Variants in SEMA6A observed in about 807,000 individuals in gnomAD.
The protein encoded by SEMA6A is semaphorin-6A.
Under a neutral mutation model 96.8 loss-of-function variants are expected in SEMA6A, and 25 were observed. The observed-to-expected ratio is 0.26, with a 90% CI of 0.19 to 0.36. SEMA6A has a LOEUF of 0.36. Among genes scored for constraint, SEMA6A ranks in the 10% least tolerant of loss-of-function variants. SEMA6A has a pLI of 1.00. For missense variants in SEMA6A, 1,363 were observed against 1,323.1 expected (o/e 1.03, Z -0.47); for synonymous variants, 612 against 518.0 (o/e 1.18, Z -2.46).
In SEMA6A at chr5:116,445,143, T is replaced by C. The variant is rs554779357; in HGVS notation, c.*1470A>G. The C allele has an allele frequency of 2.0e-5, 3 of 152,730 alleles. No homozygotes were observed. In the South Asian group the frequency reaches 6.2e-4, roughly 32 times the overall value. The allele number at this position is 152,730 out of a possible 1,614,324, so 9.5% of individuals were successfully genotyped here. A position where few individuals can be genotyped will look rare whatever the true frequency, so the allele number is the denominator to read the frequency against. ...TTCTCAGGCTGTCGCATGACAACTA[T>C]CACCACTGCATTCTTCCATCTGCTT... On this transcript the variant is annotated 3_prime_UTR_variant, in exon 19 of 19. Coordinates refer to ENST00000343348, the MANE Select transcript of SEMA6A (RefSeq NM_020796.5).
At chr5:116,568,071 G>A (rs1373021550) in intron 1 of SEMA6A, among the ~76,000 whole-genome samples, 1 of 152,120 alleles carries the variant, frequency 6.6e-6, no homozygotes, top group African/African-American at 2.4e-5. Context: ...GTTGCATAAT[G>A]TGATTTACAT....
intron 16 of SEMA6A, among the ~76,000 whole-genome samples, chr5:116,475,121 C>T (rs1199165033): frequency 2.6e-5 from 4 of 151,890 alleles, no homozygotes; most frequent in Non-Finnish European, 4.4e-5. Flanking sequence ...TTTTGTTAGT[C>T]GATATGTTCA....
In SEMA6A at chr5:116,446,410, C is replaced by T. The variant is rs1754209671; in HGVS notation, c.*203G>A. On this transcript the variant is annotated 3_prime_UTR_variant, in exon 19 of 19. Transcript: ENST00000343348. ...TGAAGGAAGAGAATGAAGGTGAGTC[C>T]CCGCCGTTGCAAACCTTCACCAAAC... The T allele has an allele frequency of 1.1e-5, 5 of 474,838 alleles. No individual in the cohort carries two copies. The highest frequency in any genetic ancestry group is 1.8e-5 in the Non-Finnish European group (5 of 272,134). 29.4% of individuals were successfully genotyped at this position (474,838 alleles called of 1,614,324 possible).
intron 18 of SEMA6A, among the ~76,000 whole-genome samples, chr5:116,461,034 G>A (rs992849489): frequency 4.0e-5 from 6 of 151,878 alleles, no homozygotes; most frequent in African/African-American, 1.5e-4. Flanking sequence ...ATCTTTATGG[G>A]TCGTGTATAG....
At chr5:116,544,581 G>A (rs910730974) in intron 1 of SEMA6A, among the ~76,000 whole-genome samples, 1 of 152,058 alleles carries the variant, frequency 6.6e-6, no homozygotes, top group African/African-American at 2.4e-5. Flanking sequence ...TTACAGGCAT[G>A]AGCCATTGTA....
intron 3 of SEMA6A, 97 bp from the exon 4 acceptor site, chr5:116,497,484 A>G (rs1437555315): frequency 1.9e-5 from 13 of 669,786 alleles, no homozygotes; most frequent in Non-Finnish European, 3.3e-5. Flanking sequence ...AGATAAGCCC[A>G]TATCCATGTT....
chr5:116,502,304 C>T lies in SEMA6A; in HGVS notation c.124G>A (p.Val42Met). Residue 42 changes from valine (V) to methionine (M), a missense_variant, in exon 3 of 19, where the codon GTG becomes ATG. This residue lies in a region of SEMA6A where 480 missense variants were observed against 559.5 expected (regional missense o/e 0.86). Coordinates refer to ENST00000343348, the MANE Select transcript of SEMA6A (RefSeq NM_020796.5). ...GTGTTCCGTCCTGGCTTGTGGCCCA[C>T]AAACACCGGATACTGTTTTGTATCT... ...GNYTKQYPVF[V>M]GHKPGRNTTQ... 2 of 1,613,798 alleles carry T rather than the reference C, an allele frequency of 1.2e-6. No individual in the cohort carries two copies. The highest frequency in any genetic ancestry group is 1.7e-6 in the Non-Finnish European group (2 of 1,179,836).
intron 1 of SEMA6A, among the ~76,000 whole-genome samples, chr5:116,552,730 C>T (rs948654832): frequency 1.3e-5 from 2 of 152,178 alleles, no homozygotes. Flanking sequence ...TTTACACTTA[C>T]AGGAAGTGTT....
intron 9 of SEMA6A, among the ~76,000 whole-genome samples, 172 bp downstream of exon 9, chr5:116,487,936 G>A (rs1757138744): frequency 6.6e-6 from 1 of 152,136 alleles, no homozygotes; most frequent in East Asian, 1.9e-4. Flanking sequence ...AAATACTTAA[G>A]AAATTTCCTG....
chr5:116,566,784 A>T (rs1262444987), intron 1 of SEMA6A, among the ~76,000 whole-genome samples: 1 of 152,230 alleles, frequency 6.6e-6, no homozygotes, highest in African/African-American at 2.4e-5. Flanking sequence ...TACTGGGGTC[A>T]GCCAATTATT....
At chr5:116,553,111 A>T (rs1427246299) in intron 1 of SEMA6A, among the ~76,000 whole-genome samples, 1 of 152,234 alleles carries the variant, frequency 6.6e-6, no homozygotes, top group Non-Finnish European at 1.5e-5. Flanking sequence ...TGCACATACA[A>T]TATATTATTA....
chr5:116,496,138 C>T (rs1309792329), intron 5 of SEMA6A, 113 bp downstream of exon 5: 3 of 892,864 alleles, frequency 3.4e-6, no homozygotes, highest in African/African-American at 1.7e-5. Flanking sequence ...AAAGCAATTA[C>T]TGAGGGAAAA....
chr5:116,460,821 T>C (rs1490725571), intron 18 of SEMA6A, among the ~76,000 whole-genome samples: 5 of 149,196 alleles, frequency 3.4e-5, no homozygotes, highest in Admixed American at 6.7e-5. Flanking sequence ...AGTCTCCCTC[T>C]GTCACCCAGG....
At chr5:116,490,436 C>A (rs530017396) in intron 7 of SEMA6A, among the ~76,000 whole-genome samples, 3 of 152,322 alleles carry the variant, frequency 2.0e-5, no homozygotes, top group African/African-American at 7.2e-5. Context: ...CTGCAGCCCA[C>A]ATTCTCCAAG....
At chr5:116,508,782 G>A (rs542495353) in intron 1 of SEMA6A, among the ~76,000 whole-genome samples, 5 of 152,226 alleles carry the variant, frequency 3.3e-5, no homozygotes, top group East Asian at 3.9e-4. Context: ...CTCTCCAGAC[G>A]GAAACATTCC....
rs900560697 is a variant in SEMA6A, at chr5:116,558,498, C to G, written c.-39+15687G>C. ...TGAGACGGAGTCTCGCTCTGTCGCC[C>G]AGGCCGGACTGCGGACTGCAGTGGC... On this transcript the variant is annotated intron_variant, in intron 1 of 18. Coordinates refer to ENST00000343348, the MANE Select transcript of SEMA6A (RefSeq NM_020796.5). Among the ~76,000 whole-genome samples, 4 of 9,798 alleles carry G rather than the reference C, an allele frequency of 4.1e-4. 1 individual carries two copies. Among genetic ancestry groups the G allele is most frequent in the African/African-American group, 8.0e-4 (4 of 5,010 alleles). The allele number at this position is 9,798 out of a possible 152,430, so 6.4% of individuals were successfully genotyped here. A position where few individuals can be genotyped will look rare whatever the true frequency, so the allele number is the denominator to read the frequency against.
Position 116,498,818 on chromosome 5 carries a change from G to A in SEMA6A, c.219-1431C>T, listed in dbSNP as rs1379407829. 5.3e-5 allele frequency: 8 copies of A among 152,288 alleles called. No homozygotes were observed. In the South Asian group the frequency reaches 8.3e-4, roughly 16 times the overall value. 9.4% of individuals were successfully genotyped at this position (152,288 alleles called of 1,614,324 possible). On this transcript the variant is annotated intron_variant, in intron 3 of 18. Transcript: ENST00000343348. ...TTTGCTATCAGGTTTGAGATGACTC[G>A]AGGCTTTTCCTTGCCTGCCTCCCCT...
chr5:116,484,110 G>C (rs1257563300), intron 10 of SEMA6A, among the ~76,000 whole-genome samples: 2 of 150,586 alleles, frequency 1.3e-5, no homozygotes, highest in Non-Finnish European at 2.9e-5. Context: ...ATTTGTTTTG[G>C]AATTTCAGAA....
chr5:116,482,477 G>A lies in SEMA6A; in HGVS notation c.1061C>T (p.Thr354Ile). Reference protein sequence around the residue: ...KEQKSPDSTWTPVPDERVPKP... With the variant: ...KEQKSPDSTWIPVPDERVPKP... Reference sequence around the variant, plus strand: ...AGGAACTCGTTCATCAGGAACTGGTGTCCAGGTGGAATCAGGAGACTTCTG... The same window carrying A: ...AGGAACTCGTTCATCAGGAACTGGTATCCAGGTGGAATCAGGAGACTTCTG... The change falls in exon 11 of 19, where the codon ACA becomes ATA. Residue 354 changes from threonine to isoleucine, a missense_variant. Physicochemically the swap from Thr to Ile is moderately conservative, Grantham distance 89 (BLOSUM62 -1). Around this residue, in one of 2 missense-constraint regions of SEMA6A, gnomAD observed 480 missense variants for 559.5 expected, o/e 0.86. Coordinates refer to ENST00000343348, the MANE Select transcript of SEMA6A (RefSeq NM_020796.5). 1 of 1,613,526 alleles carries A rather than the reference G, an allele frequency of 6.2e-7. No homozygotes were observed.
Sources: gnomAD v4.1 joint callset for allele counts (sites outside exome capture counted in the v4.1 genomes callset) on GRCh38, gnomAD v4.1.1 for gene constraint, gnomAD v4.1.1 regional missense constraint, MANE v1.5 for transcripts, NCBI Gene and HGNC (gene_info 2026-07-23, HGNC 2026-07-21) for gene names.